Variants in ADGRD1 observed in about 807,000 individuals in gnomAD.
The protein encoded by ADGRD1 is G-protein coupled receptor 133.
Under a neutral mutation model 113.4 loss-of-function variants are expected in ADGRD1, and 77 were observed. The ratio of observed to expected loss-of-function variants is 0.68; its 90% CI spans 0.57 to 0.82. The LOEUF is 0.82. Ranked by LOEUF, ADGRD1 falls within the 40% of genes least tolerant of loss-of-function variation. The pLI is 0.00. For synonymous variants in ADGRD1, 474 were observed against 475.0 expected, an observed-to-expected ratio of 1.00 and a Z score of 0.03; for missense variants, 1,036 against 1,139.1, an observed-to-expected ratio of 0.91 and a Z score of 1.30.
chr12:130,971,590 T>C lies in ADGRD1; in HGVS notation c.310+10T>C. 1 of 1,600,560 alleles carries C rather than the reference T, an allele frequency of 6.2e-7. No individual in the cohort carries two copies. The highest frequency in any genetic ancestry group is 8.5e-7 in the Non-Finnish European group (1 of 1,173,814). On this transcript the variant is annotated intron_variant, in intron 4 of 24. Transcript: ENST00000261654. This position sits in a 1 kb window ranked among gnomAD's most constrained non-coding sequence, Gnocchi z 4.2. ...CAGTGTGGCCCTGAAGGTGAGTGGC[T>C]GATCCCTGCGGCATCTTTGTCAAGC...
chr12:131,138,172 G>A lies in ADGRD1; in HGVS notation c.2472G>A (p.Trp824Ter). The change falls in exon 24 of 25, where the codon TGG (tryptophan) becomes TGA (stop). Residue 824 changes from tryptophan to a stop codon, truncating the protein, a stop_gained. Transcript: ENST00000261654. LOFTEE classifies it high-confidence loss of function. ...RAAFKHKTKV[W>*]SLTSSSARTS... ...CCTTCAAGCACAAAACCAAGGTCTG[G>A]TCGCTCACGAGCAGCTCTGCCCGCA... 6.2e-7 allele frequency: 1 copy of A among 1,613,642 alleles called. No individual in the cohort carries two copies. Among genetic ancestry groups the A allele is most frequent in the Non-Finnish European group, 8.5e-7 (1 of 1,179,976 alleles).
chr12:130,959,563 CCT>C lies in ADGRD1; in HGVS notation c.103+4904_103+4905del, dbSNP rs1283604563. Among the ~76,000 whole-genome samples, 9 of 152,142 alleles carry C rather than the reference CCT, an allele frequency of 5.9e-5. No homozygotes were observed. In the East Asian group the frequency reaches 1.2e-3, roughly 20 times the overall value. On this transcript the variant is annotated intron_variant, in intron 2 of 24. Transcript: ENST00000261654. ...TCCAGCCTTGGTGACAGAGTGAGAC[CCT>C]GTCTCAAAAAATATCTATATATTTA...
intron 18 of ADGRD1, among the ~76,000 whole-genome samples, chr12:131,110,311 A>G (rs534975231): frequency 1.3e-5 from 2 of 151,182 alleles, no homozygotes; most frequent in South Asian, 4.2e-4. Context: ...AATTAAGTGA[A>G]TATTTCCTAG....
At chr12:131,068,862 A>G (rs2137122674) in intron 13 of ADGRD1, among the ~76,000 whole-genome samples, 1 of 152,358 alleles carries the variant, frequency 6.6e-6, no homozygotes, top group Non-Finnish European at 1.5e-5. Flanking sequence ...GCCAAATTGA[A>G]AAGCTGTAAC....
At chr12:131,121,484 G>A (rs1950592044) in intron 20 of ADGRD1, among the ~76,000 whole-genome samples, 1 of 152,176 alleles carries the variant, frequency 6.6e-6, no homozygotes. Flanking sequence ...GGGTTCAGGC[G>A]ATTCTCCTGC....
At chr12:130,995,032 G>T (rs1200459794) in intron 8 of ADGRD1, among the ~76,000 whole-genome samples, 2 of 152,196 alleles carry the variant, frequency 1.3e-5, no homozygotes, top group Non-Finnish European at 2.9e-5. Context: ...GGTCTGTCTC[G>T]CACCTGACAC....
intron 13 of ADGRD1, among the ~76,000 whole-genome samples, chr12:131,031,069 C>T (rs1391784252): frequency 2.6e-5 from 4 of 152,178 alleles, no homozygotes; most frequent in Non-Finnish European, 5.9e-5. Context: ...GCAGGAAGGG[C>T]AACACCTCAT....
At chr12:131,076,934 A>C (rs1212690149) in intron 14 of ADGRD1, 60 bp downstream of exon 14, 1 of 1,353,592 alleles carries the variant, frequency 7.4e-7, no homozygotes, top group Non-Finnish European at 1.1e-6. Context: ...GGCCCGCCCC[A>C]TGCCAGCCCA....
chr12:131,001,179 T>A (rs964156452), intron 9 of ADGRD1, among the ~76,000 whole-genome samples: 2 of 152,204 alleles, frequency 1.3e-5, no homozygotes, highest in East Asian at 3.8e-4. Context: ...GGAGAATACA[T>A]GACAATATGT....
In ADGRD1 at chr12:130,966,895, C is replaced by T. The variant is rs1192157392; in HGVS notation, c.187+349C>T. 2.3e-6 allele frequency: 1 copy of T among 431,760 alleles called. No homozygotes were observed. Among genetic ancestry groups the T allele is most frequent in the Non-Finnish European group, 4.7e-6 (1 of 211,000 alleles). The allele number at this position is 431,760 out of a possible 1,614,324, so 26.7% of individuals were successfully genotyped here. On this transcript the variant is annotated intron_variant, in intron 3 of 24. Transcript: ENST00000261654. This position sits in a 1 kb window ranked among gnomAD's most constrained non-coding sequence, Gnocchi z 4.6. ...TTGGCCTCCCAAAGTGCTGGAATTA[C>T]AGGCGTGAGCCACTGTGCCAGGCCA... is the stretch of plus-strand genomic sequence containing the variant.
At chr12:131,133,100 C>A (rs1950979197) in intron 21 of ADGRD1, among the ~76,000 whole-genome samples, 1 of 152,224 alleles carries the variant, frequency 6.6e-6, no homozygotes, top group Non-Finnish European at 1.5e-5. Context: ...CTTTCCTCTT[C>A]CATTGCTGAG....
At chr12:131,135,835 G>A (rs555257829) in intron 21 of ADGRD1, among the ~76,000 whole-genome samples, 2 of 152,356 alleles carry the variant, frequency 1.3e-5, no homozygotes, top group East Asian at 3.9e-4. Flanking sequence ...CCCACCAGCT[G>A]TAAGGGGATG....
In ADGRD1 at chr12:131,137,026, C is replaced by T. The variant is rs776702703; in HGVS notation, c.2436+12C>T. ...TCCTGAATTCAGAGGTACGTCCGCT[C>T]TGCTTGCTGGCAGGTGCAGGTGCAG... is the stretch of plus-strand genomic sequence containing the variant. On this transcript the variant is annotated intron_variant, in intron 23 of 24. Coordinates refer to ENST00000261654, the MANE Select transcript of ADGRD1 (RefSeq NM_198827.5). The T allele has an allele frequency of 1.6e-5, 26 of 1,608,112 alleles. No homozygotes were observed. The highest frequency in any genetic ancestry group is 2.2e-5 in the East Asian group (1 of 44,856).
In ADGRD1 at chr12:131,136,711, C is replaced by G. The variant is rs181812779; in HGVS notation, c.2395-262C>G. Among the ~76,000 whole-genome samples the G allele has an allele frequency of 3.6e-3, 549 of 152,364 alleles. 4 individuals are homozygous for G. The highest frequency in any genetic ancestry group is 0.013 in the African/African-American group (531 of 41,594). ...AGTGCCTGCCCTTGCCCACGCTGAG[C>G]CTGCCTGGGAACCCACCTGCTGCCG... On this transcript the variant is annotated intron_variant, in intron 22 of 24. Transcript: ENST00000261654.
chr12:131,109,699 A>G (rs753148408), intron 18 of ADGRD1, among the ~76,000 whole-genome samples: 35 of 152,196 alleles, frequency 2.3e-4, no homozygotes, highest in Admixed American at 9.2e-4. Context: ...AGAAGAATGT[A>G]TATTCTGCTG....
chr12:131,019,352 C>G (rs578055601), intron 13 of ADGRD1, among the ~76,000 whole-genome samples: 1 of 152,294 alleles, frequency 6.6e-6, no homozygotes, highest in East Asian at 1.9e-4. Flanking sequence ...CACTGAGGCT[C>G]TGGACAGGGA....
At chr12:130,970,694 T>C (rs542020043) in intron 3 of ADGRD1, 1 of 152,392 alleles carries the variant, frequency 6.6e-6, no homozygotes, top group African/African-American at 2.4e-5. Flanking sequence ...TCTTCACTTA[T>C]TTATTCTGTA....
intron 19 of ADGRD1, among the ~76,000 whole-genome samples, chr12:131,119,844 C>T (rs1950550222): frequency 6.6e-6 from 1 of 152,194 alleles, no homozygotes. Context: ...ATGAATGAGC[C>T]TCTTGCAGGT....
Position 131,055,709 on chromosome 12 carries a change from CTG to C in ADGRD1, c.1474-21089_1474-21088del, listed in dbSNP as rs561081909. ...AAAGTAGCATAGCAAACAAGGGAAA[CTG>C]TGAGACAAAGCAGACGAACAGAAAT... On this transcript the variant is annotated intron_variant, in intron 13 of 24. Coordinates refer to ENST00000261654, the MANE Select transcript of ADGRD1 (RefSeq NM_198827.5). Among the ~76,000 whole-genome samples, 423 of 152,308 alleles carry C rather than the reference CTG, an allele frequency of 2.8e-3. 4 individuals carry two copies. Among genetic ancestry groups the C allele is most frequent in the South Asian group, 9.9e-3 (48 of 4,834 alleles).
Sources: gnomAD v4.1 joint callset for allele counts (sites outside exome capture counted in the v4.1 genomes callset) on GRCh38, gnomAD v4.1.1 for gene constraint, Gnocchi (gnomAD v3.1) non-coding constraint, MANE v1.5 for transcripts, NCBI Gene and HGNC (gene_info 2026-07-23, HGNC 2026-07-21) for gene names.